The following GOLPH3 variants were observed in gnomAD, a reference collection of about 807,000 sequenced individuals.
GOLPH3 encodes the protein coat protein GPP34.
In GOLPH3, 14 loss-of-function variants were observed where a neutral mutation model predicts 28.5. The ratio of observed to expected loss-of-function variants is 0.49; its 90% CI spans 0.32 to 0.77. The LOEUF (loss-of-function observed/expected upper bound fraction) is 0.77, where lower values mean the gene tolerates loss of function less well. Ranked by LOEUF, GOLPH3 falls within the 30% of genes least tolerant of loss-of-function variation. The probability of loss-of-function intolerance (pLI) is 0.03; values close to 1 mark genes in which losing one functional copy is unlikely to be tolerated. For missense variants in GOLPH3, 350 were observed against 393.7 expected (o/e 0.89, Z 0.94); for synonymous variants, 158 against 159.2 (o/e 0.99, Z 0.06).
At chr5:32,155,077 C>T (rs1440759520) in intron 1 of GOLPH3, among the ~76,000 whole-genome samples, 6 of 128,128 alleles carry the variant, frequency 4.7e-5, no homozygotes, top group East Asian at 2.1e-4. Context: ...CCCGCCTGGG[C>T]GACAGAGCAA....
Position 32,126,420 on chromosome 5 carries a change from T to C in GOLPH3, c.689A>G (p.His230Arg), listed in dbSNP as rs768735844. 17 of 1,614,194 alleles carry C rather than the reference T, an allele frequency of 1.1e-5. No individual in the cohort carries two copies. Among genetic ancestry groups the C allele is most frequent in the Non-Finnish European group, 1.4e-5 (16 of 1,180,044 alleles). Residue 230 changes from histidine (H) to arginine (R), a missense_variant, in exon 4 of 4, where the codon CAC (histidine) becomes CGC (arginine). Transcript: ENST00000265070. ...AVLDKWVNDP[H>R]RMDRRLLALI... is the part of the protein sequence containing the mutation. ...GGCCAGCAAGCGCCTGTCCATGCGG[T>C]GAGGGTCATTCACCCATTTGTCAAG...
In GOLPH3 at chr5:32,126,118, G is replaced by T; in HGVS notation, c.*94C>A. The T allele has an allele frequency of 7.7e-7, 1 of 1,294,330 alleles. No homozygotes were observed. The highest frequency in any genetic ancestry group is 1.1e-6 in the Non-Finnish European group (1 of 931,710). 80.2% of individuals were successfully genotyped at this position (1,294,330 alleles called of 1,614,324 possible). On this transcript the variant is annotated 3_prime_UTR_variant, in exon 4 of 4. Coordinates refer to ENST00000265070, the MANE Select transcript of GOLPH3 (RefSeq NM_022130.4). The stretch of plus-strand genomic sequence containing the variant: ...TTGTAAAACAGAAGCCAATTATAGT[G>T]TGGGAAAGTACAAATTACAGAAAAC...
rs552452157 is a variant in GOLPH3 at position 32,173,974 on chromosome 5, T to G, written c.61A>C (p.Asn21His). Reference sequence around the variant, plus strand: ...GCCGCCCGCTCCTTGTCGGCGGCGTTGCGGGAGGCCTCGGTGCGCCGCTGC... The same window carrying G: ...GCCGCCCGCTCCTTGTCGGCGGCGTGGCGGGAGGCCTCGGTGCGCCGCTGC... ...LVQRRTEASR[N>H]AADKERAAGG... is the part of the protein sequence containing the mutation. Residue 21 changes from asparagine to histidine, a missense_variant, in exon 1 of 4, where the codon AAC becomes CAC. Transcript: ENST00000265070. 7.2e-7 allele frequency: 1 copy of G among 1,395,478 alleles called. No individual in the cohort carries two copies. Among genetic ancestry groups the G allele is most frequent in the Non-Finnish European group, 9.2e-7 (1 of 1,082,032 alleles). 86.4% of individuals were successfully genotyped at this position (1,395,478 alleles called of 1,614,324 possible).
At chr5:32,153,419 G>GAA (rs202161839) in intron 1 of GOLPH3, among the ~76,000 whole-genome samples, 28 of 103,260 alleles carry the variant, frequency 2.7e-4, no homozygotes, top group Middle Eastern at 5.6e-3. Flanking sequence ...ACTGAAAACA[G>GAA]AAAAAAAAAA....
At chr5:32,137,941 T>C (rs956257256) in intron 2 of GOLPH3, among the ~76,000 whole-genome samples, 11 of 149,854 alleles carry the variant, frequency 7.3e-5, no homozygotes, top group Non-Finnish European at 1.5e-4. Context: ...TCTCACTCTG[T>C]TGCCCAGCCT....
In GOLPH3 at chr5:32,173,886, T is replaced by C. The variant is rs1236898717; in HGVS notation, c.149A>G (p.Asp50Gly). The change falls in exon 1 of 4, where the codon GAC becomes GGC. Residue 50 changes from aspartate (D) to glycine (G), a missense_variant. Coordinates refer to ENST00000265070, the MANE Select transcript of GOLPH3 (RefSeq NM_022130.4). Reference protein sequence around the residue: ...AQSRRDEQDDDDKGDSKETRL... With the variant: ...AQSRRDEQDDGDKGDSKETRL... The stretch of plus-strand genomic sequence containing the variant: ...CGTTTCCTTGGAGTCGCCCTTGTCG[T>C]CGTCGTCCTGCTCGTCGCGGCGGCT... 1 of 1,523,954 alleles carries C rather than the reference T, an allele frequency of 6.6e-7. No individual in the cohort carries two copies. Among genetic ancestry groups the C allele is most frequent in the South Asian group, 1.2e-5 (1 of 82,034 alleles). The allele number at this position is 1,523,954 out of a possible 1,614,324, so 94.4% of individuals were successfully genotyped here.
Position 32,124,855 on chromosome 5 carries a change from A to C in GOLPH3, c.*1357T>G, listed in dbSNP as rs1581533100. 6.5e-6 allele frequency: 1 copy of C among 152,780 alleles called. No homozygotes were observed. Among genetic ancestry groups the C allele is most frequent in the Admixed American group, 6.5e-5 (1 of 15,298 alleles). 9.5% of individuals were successfully genotyped at this position (152,780 alleles called of 1,614,324 possible). A position where few individuals can be genotyped will look rare whatever the true frequency, so the allele number is the denominator to read the frequency against. On this transcript the variant is annotated 3_prime_UTR_variant, in exon 4 of 4. Coordinates refer to ENST00000265070, the MANE Select transcript of GOLPH3 (RefSeq NM_022130.4). The stretch of plus-strand genomic sequence containing the variant: ...CAATGAATGTTAACAACAACAAAAA[A>C]AATCTCTAAACACCTGAAAGCCCCA...
At chr5:32,143,185 T>G (rs1010564953) in intron 2 of GOLPH3, among the ~76,000 whole-genome samples, 11 of 152,184 alleles carry the variant, frequency 7.2e-5, no homozygotes, top group African/African-American at 4.8e-5. Flanking sequence ...ATGTGCTGTA[T>G]CCACTCAGGG....
intron 1 of GOLPH3, among the ~76,000 whole-genome samples, chr5:32,146,967 G>T (rs887402897): frequency 6.6e-6 from 1 of 151,894 alleles, no homozygotes; most frequent in Non-Finnish European, 1.5e-5. Context: ...TGCTGGACCA[G>T]ATTCAAAGCC....
At chr5:32,151,925 A>T (rs79765735) in intron 1 of GOLPH3, among the ~76,000 whole-genome samples, 27 of 152,302 alleles carry the variant, frequency 1.8e-4, no homozygotes, top group Middle Eastern at 6.8e-3. Flanking sequence ...AGTCAAATTC[A>T]TAGAGACAGT....
At chr5:32,132,363 C>T (rs986327639) in intron 3 of GOLPH3, among the ~76,000 whole-genome samples, 2 of 152,130 alleles carry the variant, frequency 1.3e-5, no homozygotes, top group Non-Finnish European at 2.9e-5. Flanking sequence ...CTTGGCTTCA[C>T]GGCAAGGAAT....
chr5:32,158,014 TAAATAAAATACACACAC>T lies in GOLPH3; in HGVS notation c.226-14151_226-14135del, dbSNP rs1561678523. On this transcript the variant is annotated intron_variant, in intron 1 of 3. Coordinates refer to ENST00000265070, the MANE Select transcript of GOLPH3 (RefSeq NM_022130.4). ...ATAAATAAATAAATAAATAAATAAATAAATAAAATACACACACACACACACACACACACACACACACA... is the reference window on the plus strand; with the variant it reads ...ATAAATAAATAAATAAATAAATAAATACACACACACACACACACACACACA... Among the ~76,000 whole-genome samples the T allele has an allele frequency of 2.5e-3, 85 of 33,542 alleles. 7 individuals carry two copies. Among genetic ancestry groups the T allele is most frequent in the Middle Eastern group, 0.011 (1 of 88 alleles). The allele number at this position is 33,542 out of a possible 152,430, so 22.0% of individuals were successfully genotyped here.
chr5:32,164,350 G>C (rs1187338446), intron 1 of GOLPH3, among the ~76,000 whole-genome samples: 2 of 150,932 alleles, frequency 1.3e-5, no homozygotes, highest in Non-Finnish European at 1.5e-5. Context: ...ATACATATTT[G>C]TTTGTACACT....
At chr5:32,172,592 G>A (rs543990511) in intron 1 of GOLPH3, among the ~76,000 whole-genome samples, 16 of 152,292 alleles carry the variant, frequency 1.1e-4, no homozygotes, top group Non-Finnish European at 1.5e-4. Context: ...CTACTCGGGA[G>A]GCTGAGGCAG....
At chr5:32,137,529 C>A (rs535212671) in intron 2 of GOLPH3, among the ~76,000 whole-genome samples, 2 of 151,846 alleles carry the variant, frequency 1.3e-5, no homozygotes, top group Non-Finnish European at 2.9e-5. Context: ...TGTGGTGGCG[C>A]ATGCCTGTAA....
At chr5:32,130,590 G>A (rs577934808) in intron 3 of GOLPH3, among the ~76,000 whole-genome samples, 2 of 152,020 alleles carry the variant, frequency 1.3e-5, no homozygotes, top group South Asian at 4.2e-4. Flanking sequence ...AGACATCTTA[G>A]CCAAACAACA....
intron 3 of GOLPH3, among the ~76,000 whole-genome samples, chr5:32,128,304 A>T (rs944196894): frequency 6.6e-6 from 1 of 152,208 alleles, no homozygotes; most frequent in Non-Finnish European, 1.5e-5. Context: ...GAAAATTCAC[A>T]TCTTAGTAGT....
chr5:32,153,023 A>T (rs1339009047), intron 1 of GOLPH3, among the ~76,000 whole-genome samples: 1 of 152,208 alleles, frequency 6.6e-6, no homozygotes, highest in African/African-American at 2.4e-5. Flanking sequence ...CAGTATATGC[A>T]TATGGTTATT....
Position 32,153,809 on chromosome 5 carries a change from T to TA in GOLPH3, c.226-9930dup, listed in dbSNP as rs544500605. Among the ~76,000 whole-genome samples, 48 of 152,310 alleles carry TA rather than the reference T, an allele frequency of 3.2e-4. No homozygotes were observed. In the East Asian group the frequency reaches 8.5e-3, roughly 27 times the overall value. ...GAGGAAAATATATCCTATCTCTGTA[T>TA]ACGAAAGAGTCCTACAAGCAGTAAC... On this transcript the variant is annotated intron_variant, in intron 1 of 3. Transcript: ENST00000265070.
Sources: gnomAD v4.1 joint callset for allele counts (sites outside exome capture counted in the v4.1 genomes callset) on GRCh38, gnomAD v4.1.1 for gene constraint, MANE v1.5 for transcripts, NCBI Gene and HGNC (gene_info 2026-07-23, HGNC 2026-07-21) for gene names.